Variants in MYLK observed in about 807,000 individuals in gnomAD.
MYLK encodes myosin light chain kinase.
A neutral mutation model predicts 203.4 loss-of-function variants in MYLK; 106 were observed. The observed-to-expected ratio is 0.52, with a 90% CI of 0.45 to 0.61. The LOEUF (loss-of-function observed/expected upper bound fraction) is 0.61, where lower values mean the gene tolerates loss of function less well. MYLK is among the 20% of genes least tolerant of loss of function. The probability of loss-of-function intolerance (pLI) is 0.00; values close to 1 mark genes in which losing one functional copy is unlikely to be tolerated. For missense variants in MYLK, 2,072 were observed against 2,442.3 expected (o/e 0.85, Z 3.20); for synonymous variants, 867 against 959.5 (o/e 0.90, Z 1.78).
chr3:123,662,619 A>G (rs997987280), intron 23 of MYLK, among the ~76,000 whole-genome samples: 1 of 152,218 alleles, frequency 6.6e-6, no homozygotes, highest in Non-Finnish European at 1.5e-5. Flanking sequence ...TCATATCTAG[A>G]TACTTCCATA....
chr3:123,650,734 T>C lies in MYLK; in HGVS notation c.4289-1540A>G, dbSNP rs114257123. ...GGTCAATATTCCTAAATCCACATGT[T>C]GGAGAGTTAAGAGTGGCATTGTCCA... On this transcript the variant is annotated intron_variant, in intron 24 of 33. Coordinates refer to ENST00000360304, the MANE Select transcript of MYLK (RefSeq NM_053025.4). 5.4e-3 allele frequency among the ~76,000 whole-genome samples: 815 copies of C among 152,200 alleles called. 11 individuals are homozygous for C. The highest frequency in any genetic ancestry group is 0.018 in the African/African-American group (732 of 41,516).
chr3:123,858,831 C>T (rs184671645), intron 2 of MYLK, among the ~76,000 whole-genome samples: 54 of 152,220 alleles, frequency 3.5e-4, no homozygotes, highest in South Asian at 2.1e-4. Context: ...AACATAGCAG[C>T]CTCCTTTCAC....
At chr3:123,758,128 T>C (rs1479804280) in intron 4 of MYLK, among the ~76,000 whole-genome samples, 1 of 151,772 alleles carries the variant, frequency 6.6e-6, no homozygotes, top group Non-Finnish European at 1.5e-5. Context: ...ACTTACCTCA[T>C]GGGTATGTTA....
At chr3:123,689,959 A>G (rs2060598615) in intron 19 of MYLK, among the ~76,000 whole-genome samples, 1 of 152,208 alleles carries the variant, frequency 6.6e-6, no homozygotes, top group African/African-American at 2.4e-5. Context: ...AGTGTGGGTA[A>G]TGCTATTTTA....
chr3:123,854,278 G>T (rs1205435377), intron 2 of MYLK, among the ~76,000 whole-genome samples: 1 of 151,648 alleles, frequency 6.6e-6, no homozygotes, highest in Non-Finnish European at 1.5e-5. Context: ...TAGTAATGTA[G>T]CCTAACCCTC....
chr3:123,705,420 G>A (rs1219553597), intron 16 of MYLK, among the ~76,000 whole-genome samples: 2 of 152,152 alleles, frequency 1.3e-5, no homozygotes, highest in Non-Finnish European at 1.5e-5. Context: ...CTGTGCACTT[G>A]GGAGAAACTC....
At chr3:123,843,542 T>C (rs1006370643) in intron 2 of MYLK, among the ~76,000 whole-genome samples, 3 of 152,138 alleles carry the variant, frequency 2.0e-5, no homozygotes, top group Admixed American at 6.5e-5. Context: ...CATTCCAGAA[T>C]GGCAAGTTAA....
rs1273803739 is a variant in MYLK, at chr3:123,677,918, T to TATATATATATACAC, written c.3652+4305_3652+4306insGTGTATATATATAT. Among the ~76,000 whole-genome samples, 180 of 78,778 alleles carry TATATATATATACAC rather than the reference T, an allele frequency of 2.3e-3. No individual in the cohort carries two copies. In the East Asian group the frequency reaches 0.026, roughly 11 times the overall value. 51.7% of individuals were successfully genotyped at this position (78,778 alleles called of 152,430 possible). On this transcript the variant is annotated intron_variant, in intron 20 of 33. Coordinates refer to ENST00000360304, the MANE Select transcript of MYLK (RefSeq NM_053025.4). Reference sequence around the variant, plus strand: ...ATATATATATATATATATATATATATACACACACACACACACAGAGTACAT... The same window carrying TATATATATATACAC: ...ATATATATATATATATATATATATATATATATATATACACACACACACACACACACAGAGTACAT...
At chr3:123,804,868 G>A (rs2065314079) in intron 3 of MYLK, among the ~76,000 whole-genome samples, 1 of 152,158 alleles carries the variant, frequency 6.6e-6, no homozygotes, top group Non-Finnish European at 1.5e-5. Flanking sequence ...GAGGGAAGAA[G>A]GAAGGCGCTT....
intron 4 of MYLK, among the ~76,000 whole-genome samples, chr3:123,773,114 C>A (rs2108993650): frequency 6.6e-6 from 1 of 152,082 alleles, no homozygotes; most frequent in South Asian, 2.1e-4. Flanking sequence ...AAAACATAGT[C>A]TATTTGAAAT....
At position 123,850,869 on chromosome 3, in the gene MYLK, T is replaced by G. The variant is rs572835394; in HGVS notation, c.-126-19199A>C. On this transcript the variant is annotated intron_variant, in intron 2 of 33. Transcript: ENST00000360304. Reference sequence around the variant, plus strand: ...CCTAGGTTTTCTTCTAGGGTTTTTATGGTTTTAGGTCTAACATTTAAGTCT... The same window carrying G: ...CCTAGGTTTTCTTCTAGGGTTTTTAGGGTTTTAGGTCTAACATTTAAGTCT... Among the ~76,000 whole-genome samples the G allele has an allele frequency of 2.6e-5, 4 of 152,372 alleles. No individual in the cohort carries two copies. The South Asian group carries it at 8.3e-4, about 32-fold the overall frequency.
At chr3:123,697,672 G>A (rs539562088) in intron 18 of MYLK, among the ~76,000 whole-genome samples, 3 of 152,270 alleles carry the variant, frequency 2.0e-5, no homozygotes, top group Admixed American at 6.5e-5. Flanking sequence ...GATTAAATGG[G>A]TGAAAAGTGT....
At chr3:123,849,629 A>T (rs2030492185) in intron 2 of MYLK, among the ~76,000 whole-genome samples, 1 of 152,278 alleles carries the variant, frequency 6.6e-6, no homozygotes, top group East Asian at 1.9e-4. Context: ...TGGAGAAGAA[A>T]CTGCTATAGC....
intron 21 of MYLK, chr3:123,666,824 G>A: frequency 3.5e-6 from 2 of 572,212 alleles, no homozygotes; most frequent in South Asian, 4.1e-5. Context: ...ACAAGGGTAG[G>A]GCAGAGGATG....
intron 33 of MYLK, among the ~76,000 whole-genome samples, chr3:123,614,581 C>A (rs951393596): frequency 2.0e-5 from 3 of 152,316 alleles, no homozygotes; most frequent in Admixed American, 2.0e-4. Context: ...ATTTCCCACA[C>A]ATGTTGGACT....
chr3:123,636,263 C>T (rs992402085), intron 29 of MYLK, among the ~76,000 whole-genome samples: 3 of 152,218 alleles, frequency 2.0e-5, no homozygotes, highest in African/African-American at 4.8e-5. Context: ...TCCCCTGGCC[C>T]GACTGTGGGA....
At chr3:123,786,078 G>A (rs113244082) in intron 4 of MYLK, among the ~76,000 whole-genome samples, 14,818 of 152,060 alleles carry the variant, frequency 0.097, 943 homozygotes, top group Non-Finnish European at 0.14. Context: ...CGAGGTGGGC[G>A]GATCACCTGA....
chr3:123,753,869 A>G (rs1200866006), intron 4 of MYLK, among the ~76,000 whole-genome samples: 1 of 152,214 alleles, frequency 6.6e-6, no homozygotes, highest in Non-Finnish European at 1.5e-5. Context: ...CCATGTATTC[A>G]CTTCAAGGAA....
At chr3:123,851,795 G>A (rs1380737032) in intron 2 of MYLK, among the ~76,000 whole-genome samples, 4 of 152,178 alleles carry the variant, frequency 2.6e-5, no homozygotes, top group East Asian at 1.9e-4. Flanking sequence ...AATAGGAGTG[G>A]TGAGAGAGGG....
Sources: gnomAD v4.1 joint callset for allele counts (sites outside exome capture counted in the v4.1 genomes callset) on GRCh38, gnomAD v4.1.1 for gene constraint, MANE v1.5 for transcripts, NCBI Gene and HGNC (gene_info 2026-07-23, HGNC 2026-07-21) for gene names.